The following PSMD14 variants were observed in gnomAD, a reference collection of about 807,000 sequenced individuals.
PSMD14 encodes the protein ubiquitin C-terminal hydrolase PSMD14.
A neutral mutation model predicts 41.2 loss-of-function variants in PSMD14; 7 were observed. The ratio of observed to expected loss-of-function variants is 0.17; its 90% CI spans 0.10 to 0.32. PSMD14 has a LOEUF of 0.32. Among genes scored for constraint, PSMD14 ranks in the 10% least tolerant of loss-of-function variants. The probability of loss-of-function intolerance (pLI) is 1.00; values close to 1 mark genes in which losing one functional copy is unlikely to be tolerated. For missense variants in PSMD14, 139 were observed against 375.6 expected (o/e 0.37, Z 5.21); for synonymous variants, 114 against 122.3 (o/e 0.93, Z 0.45).
At chr2:161,365,285 T>A (rs1453184135) in intron 3 of PSMD14, among the ~76,000 whole-genome samples, 1 of 152,192 alleles carries the variant, frequency 6.6e-6, no homozygotes, top group Non-Finnish European at 1.5e-5. Context: ...TCGAGGTAAC[T>A]CTAGTTGGTA....
chr2:161,399,375 T>C (rs541862145), intron 10 of PSMD14, among the ~76,000 whole-genome samples: 1 of 152,296 alleles, frequency 6.6e-6, no homozygotes, highest in South Asian at 2.1e-4. Context: ...AAAATATTTT[T>C]ACCTATAACA....
chr2:161,370,192 T>C lies in PSMD14; in HGVS notation c.311+15T>C, dbSNP rs775100996. The C allele has an allele frequency of 7.2e-6, 11 of 1,521,210 alleles. No individual in the cohort carries two copies. The highest frequency in any genetic ancestry group is 8.9e-6 in the Non-Finnish European group (10 of 1,119,424). 94.2% of individuals were successfully genotyped at this position (1,521,210 alleles called of 1,614,324 possible). A position where few individuals can be genotyped will look rare whatever the true frequency, so the allele number is the denominator to read the frequency against. ...CAGACAGGAAGGTAAGCATTTTAAATGATCAGTTAAAGAAATAATGGGAAA... is the reference window on the plus strand; with the variant it reads ...CAGACAGGAAGGTAAGCATTTTAAACGATCAGTTAAAGAAATAATGGGAAA... On this transcript the variant is annotated intron_variant, in intron 6 of 11. Coordinates refer to ENST00000409682, the MANE Select transcript of PSMD14 (RefSeq NM_005805.6).
chr2:161,396,518 T>G (rs2053386733), intron 10 of PSMD14, among the ~76,000 whole-genome samples: 1 of 152,142 alleles, frequency 6.6e-6, no homozygotes, highest in South Asian at 2.1e-4. Flanking sequence ...TTAAGTGAAA[T>G]AAGCCAGGCA....
chr2:161,347,797 C>A (rs1683065812), intron 3 of PSMD14, among the ~76,000 whole-genome samples: 1 of 152,158 alleles, frequency 6.6e-6, no homozygotes, highest in African/African-American at 2.4e-5. Context: ...GTGCCGGGTA[C>A]TCTTCTAAGT....
At chr2:161,397,546 A>G (rs528084951) in intron 10 of PSMD14, among the ~76,000 whole-genome samples, 203 of 152,350 alleles carry the variant, frequency 1.3e-3, no homozygotes, top group African/African-American at 4.6e-3. Context: ...GGTAAAGGCT[A>G]GAGCTCAAGA....
intron 1 of PSMD14, among the ~76,000 whole-genome samples, chr2:161,314,550 C>T (rs896131132): frequency 3.9e-5 from 6 of 152,178 alleles, no homozygotes; most frequent in South Asian, 2.1e-4. Flanking sequence ...CTCCATTTTC[C>T]TCCCTTCCCC....
chr2:161,352,714 C>T (rs1683137073), intron 3 of PSMD14, among the ~76,000 whole-genome samples: 1 of 152,028 alleles, frequency 6.6e-6, no homozygotes, highest in Non-Finnish European at 1.5e-5. Context: ...GTGGTGCTTT[C>T]TTTTTCTTGT....
chr2:161,391,089 C>G lies in PSMD14; in HGVS notation c.571-15C>G. The G allele has an allele frequency of 1.4e-6, 2 of 1,454,560 alleles. No homozygotes were observed. The highest frequency in any genetic ancestry group is 1.8e-6 in the Non-Finnish European group (2 of 1,099,580). 90.1% of individuals were successfully genotyped at this position (1,454,560 alleles called of 1,614,324 possible). ...AATATTAATTTGTCCTTTTTAAAAT[C>G]ATTTATCTATATAGGCATTAATTCA... On this transcript the variant is annotated splice_polypyrimidine_tract_variant and intron_variant, in intron 8 of 11. Transcript: ENST00000409682.
chr2:161,354,174 C>G (rs1206731472), intron 3 of PSMD14, among the ~76,000 whole-genome samples: 1 of 152,074 alleles, frequency 6.6e-6, no homozygotes, highest in African/African-American at 2.4e-5. Flanking sequence ...TTTTGCCAAT[C>G]TTAAATGTTT....
chr2:161,326,387 C>T (rs1682700730), intron 3 of PSMD14, among the ~76,000 whole-genome samples: 1 of 151,968 alleles, frequency 6.6e-6, no homozygotes, highest in Non-Finnish European at 1.5e-5. Context: ...CCAAATTAAA[C>T]AACAACAACA....
At chr2:161,343,338 G>A (rs1682994391) in intron 3 of PSMD14, among the ~76,000 whole-genome samples, 1 of 152,076 alleles carries the variant, frequency 6.6e-6, no homozygotes, top group Non-Finnish European at 1.5e-5. Flanking sequence ...TTTGTGACTG[G>A]CCTAGCATAA....
rs1330059094 is a variant in PSMD14 at position 161,389,886 on chromosome 2, G to GTTGTTGTTTTTTTTTT, written c.571-1213_571-1212insGTTTTTTTTTTTTGTT. Among the ~76,000 whole-genome samples, 49 of 14,920 alleles carry GTTGTTGTTTTTTTTTT rather than the reference G, an allele frequency of 3.3e-3. 3 individuals carry two copies. The highest frequency in any genetic ancestry group is 5.3e-3 in the Non-Finnish European group (34 of 6,358). The allele number at this position is 14,920 out of a possible 152,430, so 9.8% of individuals were successfully genotyped here. ...TTGTGTCTTATTTTCTTTCTTTTTT[G>GTTGTTGTTTTTTTTTT]TTGTTTTTTTTTTTTTTTTTTTTTT... On this transcript the variant is annotated intron_variant, in intron 8 of 11. Coordinates refer to ENST00000409682, the MANE Select transcript of PSMD14 (RefSeq NM_005805.6).
At chr2:161,357,737 T>G (rs1486494698) in intron 3 of PSMD14, among the ~76,000 whole-genome samples, 1 of 152,162 alleles carries the variant, frequency 6.6e-6, no homozygotes, top group Non-Finnish European at 1.5e-5. Context: ...GTCAGTGATG[T>G]GTGTGCTTAT....
At chr2:161,312,446 A>G (rs1355670652) in intron 1 of PSMD14, among the ~76,000 whole-genome samples, 1 of 152,206 alleles carries the variant, frequency 6.6e-6, no homozygotes, top group Non-Finnish European at 1.5e-5. Context: ...ACCTGGCCAA[A>G]AATTGATTTA....
At chr2:161,375,363 A>G (rs752008774) in intron 7 of PSMD14, among the ~76,000 whole-genome samples, 11 of 152,066 alleles carry the variant, frequency 7.2e-5, no homozygotes, top group Non-Finnish European at 1.2e-4. Flanking sequence ...AGAGACAGAA[A>G]TAATTCAACA....
chr2:161,386,165 T>A (rs554438797), intron 8 of PSMD14, among the ~76,000 whole-genome samples: 300 of 152,010 alleles, frequency 2.0e-3, no homozygotes, highest in African/African-American at 6.9e-3. Context: ...TGAGTGATTG[T>A]TTTCTTTGTA....
At chr2:161,319,713 A>G (rs1361712951) in intron 3 of PSMD14, among the ~76,000 whole-genome samples, 2 of 152,202 alleles carry the variant, frequency 1.3e-5, no homozygotes, top group Non-Finnish European at 2.9e-5. Flanking sequence ...CCTTACTGCT[A>G]TCAGTGACTT....
At chr2:161,401,334 C>T (rs528789213) in intron 10 of PSMD14, among the ~76,000 whole-genome samples, 58 of 152,334 alleles carry the variant, frequency 3.8e-4, no homozygotes, top group African/African-American at 1.4e-3. Flanking sequence ...GTCAAAGTGA[C>T]ATACAGATTT....
At chr2:161,311,877 A>G (rs1019275160) in intron 1 of PSMD14, among the ~76,000 whole-genome samples, 4 of 151,916 alleles carry the variant, frequency 2.6e-5, no homozygotes, top group Non-Finnish European at 5.9e-5. Context: ...GGCCTCCCAA[A>G]GAGCTGGGAT....
Sources: gnomAD v4.1 joint callset for allele counts (sites outside exome capture counted in the v4.1 genomes callset) on GRCh38, gnomAD v4.1.1 for gene constraint, MANE v1.5 for transcripts, NCBI Gene and HGNC (gene_info 2026-07-23, HGNC 2026-07-21) for gene names.